SGCZ: variants seen among roughly 807,000 people sequenced by gnomAD.
The protein encoded by SGCZ is sarcoglycan zeta, also known as zeta-sarcoglycan.
In SGCZ, 40 loss-of-function variants were observed where a neutral mutation model predicts 41.3. The ratio of observed to expected loss-of-function variants is 0.97; its 90% CI spans 0.75 to 1.26. The LOEUF is 1.26. Ranked by LOEUF, SGCZ falls within the 50% of genes most tolerant of loss-of-function variation. SGCZ has a pLI of 0.00. For synonymous variants in SGCZ, 206 were observed against 137.5 expected (o/e 1.50, Z -3.49); for missense variants, 552 against 369.8 (o/e 1.49, Z -4.04).
intron 1 of SGCZ, among the ~76,000 whole-genome samples, chr8:14,813,450 T>A (rs1801796468): frequency 6.6e-6 from 1 of 152,300 alleles, no homozygotes; most frequent in African/African-American, 2.4e-5. Flanking sequence ...GCAAATCTGA[T>A]AAATTGTTCG....
At chr8:14,860,728 AAGAAAG>A (rs1447420257) in intron 1 of SGCZ, among the ~76,000 whole-genome samples, 2 of 150,192 alleles carry the variant, frequency 1.3e-5, no homozygotes, top group African/African-American at 4.9e-5. Flanking sequence ...GAAAGAAAGA[AAGAAAG>A]AAAGTAAGTA....
intron 4 of SGCZ, among the ~76,000 whole-genome samples, chr8:14,182,317 T>C (rs1271749334): frequency 2.0e-5 from 3 of 152,164 alleles, no homozygotes; most frequent in African/African-American, 7.2e-5. Flanking sequence ...CAGGTTTCCC[T>C]GAGAATCCAT....
intron 2 of SGCZ, among the ~76,000 whole-genome samples, chr8:14,411,579 C>A (rs1799361600): frequency 6.6e-6 from 1 of 152,058 alleles, no homozygotes; most frequent in African/African-American, 2.4e-5. Context: ...AAAGTACCTC[C>A]CCAAACCTCT....
At chr8:14,307,633 T>G in intron 3 of SGCZ, among the ~76,000 whole-genome samples, 1 of 152,144 alleles carries the variant, frequency 6.6e-6, no homozygotes, top group Non-Finnish European at 1.5e-5. Context: ...GTATAAGAAT[T>G]TTGAAAACAC....
intron 2 of SGCZ, among the ~76,000 whole-genome samples, chr8:14,536,116 T>G (rs1320090152): frequency 6.6e-6 from 1 of 151,938 alleles, no homozygotes; most frequent in Non-Finnish European, 1.5e-5. Context: ...CTAGAAATTC[T>G]GCATTTTGTT....
chr8:14,108,284 G>A (rs775618289), intron 5 of SGCZ, 49 bp from the exon 6 acceptor site: 1 of 1,524,814 alleles, frequency 6.6e-7, no homozygotes, highest in Admixed American at 1.7e-5. Context: ...TCCACACAGT[G>A]GCTTTCATCT....
chr8:14,154,628 C>G (rs558989303), intron 5 of SGCZ, among the ~76,000 whole-genome samples: 2 of 152,114 alleles, frequency 1.3e-5, no homozygotes, highest in African/African-American at 4.8e-5. Context: ...TCTTTGGGAC[C>G]TCATTCAAAC....
At chr8:14,121,162 T>A (rs975555587) in intron 5 of SGCZ, among the ~76,000 whole-genome samples, 30 of 152,104 alleles carry the variant, frequency 2.0e-4, no homozygotes, top group Non-Finnish European at 4.0e-4. Context: ...GCAAAGTCAA[T>A]GTTGAATATT....
At chr8:15,182,920 A>AT (rs1374185258) in intron 1 of SGCZ, among the ~76,000 whole-genome samples, 2 of 152,210 alleles carry the variant, frequency 1.3e-5, no homozygotes, top group African/African-American at 4.8e-5. Flanking sequence ...AGCTTTTAAA[A>AT]TTTTCAATAT....
At chr8:15,181,398 G>A (rs1246958606) in intron 1 of SGCZ, among the ~76,000 whole-genome samples, 1 of 151,984 alleles carries the variant, frequency 6.6e-6, no homozygotes, top group Non-Finnish European at 1.5e-5. Flanking sequence ...AAATATGACA[G>A]AGCCTAGATA....
At chr8:14,245,789 C>T (rs1261633566) in intron 3 of SGCZ, among the ~76,000 whole-genome samples, 1 of 152,076 alleles carries the variant, frequency 6.6e-6, no homozygotes, top group African/African-American at 2.4e-5. Context: ...GGGTGAAGGA[C>T]ATGAACAGAC....
intron 4 of SGCZ, among the ~76,000 whole-genome samples, chr8:14,202,967 T>C (rs1805503033): frequency 6.6e-6 from 1 of 152,130 alleles, no homozygotes; most frequent in Non-Finnish European, 1.5e-5. Flanking sequence ...TGTGGTGTTC[T>C]CGTGATAGTA....
chr8:14,573,240 C>CTGG (rs1280955105), intron 1 of SGCZ, among the ~76,000 whole-genome samples: 1 of 137,744 alleles, frequency 7.3e-6, no homozygotes, highest in African/African-American at 2.7e-5. Context: ...CTCTGTCGCC[C>CTGG]AGGCTGGAGT....
intron 1 of SGCZ, among the ~76,000 whole-genome samples, chr8:14,861,094 C>T (rs969482646): frequency 1.3e-5 from 2 of 152,108 alleles, no homozygotes; most frequent in African/African-American, 2.4e-5. Context: ...GATGTAGATG[C>T]GTACGAGGTG....
At chr8:15,147,406 G>A (rs1055103289) in intron 1 of SGCZ, among the ~76,000 whole-genome samples, 2 of 152,140 alleles carry the variant, frequency 1.3e-5, no homozygotes, top group Admixed American at 6.5e-5. Context: ...AGCCTCCCGA[G>A]TAACTGGGAT....
chr8:14,108,081 G>T, intron 6 of SGCZ, 82 bp downstream of exon 6: 2 of 1,126,938 alleles, frequency 1.8e-6, no homozygotes, highest in South Asian at 1.3e-5. Flanking sequence ...CATTTGTCTA[G>T]TTGTCTATTT....
At chr8:15,178,474 C>T (rs949868899) in intron 1 of SGCZ, among the ~76,000 whole-genome samples, 3 of 152,152 alleles carry the variant, frequency 2.0e-5, no homozygotes, top group Non-Finnish European at 4.4e-5. Context: ...GTAAAATGCT[C>T]AGAGCATGGT....
At chr8:14,266,002 T>G (rs191299292) in intron 3 of SGCZ, among the ~76,000 whole-genome samples, 10 of 152,114 alleles carry the variant, frequency 6.6e-5, no homozygotes, top group African/African-American at 2.4e-4. Flanking sequence ...GAGCAACTGT[T>G]TAAGTTATTA....
intron 2 of SGCZ, among the ~76,000 whole-genome samples, chr8:14,499,137 C>G (rs568997766): frequency 3.5e-4 from 53 of 151,988 alleles, no homozygotes; most frequent in Non-Finnish European, 7.1e-4. Context: ...CTTGATGTAT[C>G]AGTTTCTAAG....
Sources: allele counts gnomAD v4.1 joint callset (sites outside exome capture counted in the v4.1 genomes callset), GRCh38; gene constraint gnomAD v4.1.1; transcripts MANE v1.5; gene names NCBI Gene and HGNC (gene_info 2026-07-23, HGNC 2026-07-21).